VPS13C: variants seen among roughly 807,000 people sequenced by gnomAD.
The protein encoded by VPS13C is intermembrane lipid transfer protein VPS13C.
VPS13C carries 358 observed loss-of-function variants against 456.8 expected under a neutral mutation model. The ratio of observed to expected loss-of-function variants is 0.78; its 90% CI spans 0.72 to 0.86. The LOEUF (loss-of-function observed/expected upper bound fraction) is 0.86. Ranked by LOEUF, VPS13C falls within the 40% of genes least tolerant of loss-of-function variation. The probability of loss-of-function intolerance (pLI) is 0.00; values close to 1 mark genes in which losing one functional copy is unlikely to be tolerated. For synonymous variants in VPS13C, 1,578 were observed against 1,486.7 expected (o/e 1.06, Z -1.41); for missense variants, 4,818 against 4,385.4 (o/e 1.10, Z -2.79).
Position 61,929,701 on chromosome 15 carries a change from T to C in VPS13C, c.6086A>G (p.Asp2029Gly). 1 of 1,613,790 alleles carries C rather than the reference T, an allele frequency of 6.2e-7. No individual in the cohort carries two copies. The highest frequency in any genetic ancestry group is 8.5e-7 in the Non-Finnish European group (1 of 1,179,780). Reference sequence around the variant, plus strand: ...ATTTTTGTCTTGTTTGTAACTTATATCAATCATAGAACTGTTGTTATCTTG... The same window carrying C: ...ATTTTTGTCTTGTTTGTAACTTATACCAATCATAGAACTGTTGTTATCTTG... ...NDQDNNSSMIDISYKQDKNGS... is the reference protein window; with the variant it reads ...NDQDNNSSMIGISYKQDKNGS... Residue 2029 changes from aspartate (D) to glycine (G), a missense_variant, in exon 51 of 85, where the codon GAT becomes GGT. By Grantham distance (94) the Asp-to-Gly change is moderately conservative. Transcript: ENST00000644861.
chr15:61,935,183 A>G (rs1191724873), intron 48 of VPS13C, among the ~76,000 whole-genome samples: 1 of 152,198 alleles, frequency 6.6e-6, no homozygotes, highest in Non-Finnish European at 1.5e-5. Flanking sequence ...GAATTTTGAG[A>G]CAAATGAGAC....
Position 62,023,821 on chromosome 15 carries a change from T to C in VPS13C, c.473A>G (p.Lys158Arg). The change falls in exon 7 of 85, where the codon AAA becomes AGA. Residue 158 changes from lysine (K) to arginine (R), a missense_variant. Lys to Arg is a conservative substitution (Grantham distance 26). This residue lies in a region of VPS13C where 4,552 missense variants were observed against 4,130.6 expected (regional missense o/e 1.10). Coordinates refer to ENST00000644861, the MANE Select transcript of VPS13C (RefSeq NM_020821.3). ...KPGRKRKKHK[K>R]HFKKPFKGLD... The stretch of plus-strand genomic sequence containing the variant: ...ACCTTTAAAAGGTTTCTTAAAATGT[T>C]TTTTGTGCTTTTTACGTTTACGTCC... The C allele has an allele frequency of 1.2e-6, 2 of 1,611,130 alleles. No individual in the cohort carries two copies. The highest frequency in any genetic ancestry group is 1.7e-6 in the Non-Finnish European group (2 of 1,178,406).
intron 15 of VPS13C, among the ~76,000 whole-genome samples, chr15:62,004,614 G>C (rs2140477796): frequency 6.6e-6 from 1 of 151,598 alleles, no homozygotes; most frequent in South Asian, 2.1e-4. Context: ...TGTGATGTTA[G>C]GGTGTCAGTT....
chr15:61,971,419 G>T (rs987162909), intron 27 of VPS13C, among the ~76,000 whole-genome samples: 1 of 152,004 alleles, frequency 6.6e-6, no homozygotes, highest in Non-Finnish European at 1.5e-5. Context: ...CCACCACCAC[G>T]CCTAGCTAAT....
rs760852317 is a variant in VPS13C at position 61,947,217 on chromosome 15, T to G, written c.4852A>C (p.Asn1618His). 6 of 1,600,560 alleles carry G rather than the reference T, an allele frequency of 3.7e-6. No individual in the cohort carries two copies. The African/African-American group carries it at 8.1e-5, about 22-fold the overall frequency. The change falls in exon 43 of 85, where the codon AAC (asparagine) becomes CAC (histidine). Residue 1618 changes from asparagine to histidine, a missense_variant. Asn to His is a moderately conservative substitution (Grantham distance 68). Around this residue, in one of 3 missense-constraint regions of VPS13C, gnomAD observed 4,552 missense variants for 4,130.6 expected, o/e 1.10. Transcript: ENST00000644861. ...CCATGTATTTTAATATCTGCAATGT[T>G]ACACTTCTGATCACAGACAAAGACA... ...FNVFVCDQKC[N>H]IADIKIHGMD... is the part of the protein sequence containing the mutation.
At chr15:61,900,907 C>T (rs1478154547) in intron 66 of VPS13C, among the ~76,000 whole-genome samples, 4 of 151,562 alleles carry the variant, frequency 2.6e-5, no homozygotes, top group East Asian at 1.9e-4. Flanking sequence ...GGTACCAAAA[C>T]AGAGATAAAG....
intron 16 of VPS13C, among the ~76,000 whole-genome samples, chr15:61,997,792 T>C (rs189016130): frequency 6.6e-6 from 1 of 152,208 alleles, no homozygotes; most frequent in East Asian, 1.9e-4. Context: ...CTATCACCAC[T>C]CATCTCAACT....
In VPS13C at chr15:61,854,556, T is replaced by G; in HGVS notation, c.11163A>C (p.Arg3721Ser). 6.2e-7 allele frequency: 1 copy of G among 1,613,862 alleles called. No individual in the cohort carries two copies. The highest frequency in any genetic ancestry group is 8.5e-7 in the Non-Finnish European group (1 of 1,179,786). The stretch of plus-strand genomic sequence containing the variant: ...GTGCATCCTCAATGGCATTACATGC[T>G]CTCTGTAAAGTAAAATACTTATTAT... ...VYLKDTATAE[R>S]ACNAIEDAQS... Residue 3721 changes from arginine (R) to serine (S), a missense_variant and splice_region_variant, in exon 85 of 85, where the codon AGA (arginine) becomes AGC (serine). Physicochemically the swap from Arg to Ser is moderately radical, Grantham distance 110 (BLOSUM62 -1). Coordinates refer to ENST00000644861, the MANE Select transcript of VPS13C (RefSeq NM_020821.3).
At chr15:61,889,706 G>T (rs1351116669) in intron 67 of VPS13C, among the ~76,000 whole-genome samples, 1 of 152,108 alleles carries the variant, frequency 6.6e-6, no homozygotes, top group East Asian at 1.9e-4. Flanking sequence ...CCTCCTCTCT[G>T]AACCTTTTTT....
intron 59 of VPS13C, 34 bp downstream of exon 59, chr15:61,918,102 C>T (rs771893348): frequency 6.5e-7 from 1 of 1,542,088 alleles, no homozygotes; most frequent in South Asian, 1.3e-5. Flanking sequence ...CAACTCAATA[C>T]ATTTAAAGTT....
intron 29 of VPS13C, among the ~76,000 whole-genome samples, chr15:61,967,139 T>A (rs1357936298): frequency 6.6e-6 from 1 of 151,894 alleles, no homozygotes; most frequent in South Asian, 2.1e-4. Flanking sequence ...ACCTACTTCA[T>A]CCCAGGCTTC....
At chr15:61,938,408 G>A (rs946061467) in intron 47 of VPS13C, among the ~76,000 whole-genome samples, 14 of 152,054 alleles carry the variant, frequency 9.2e-5, no homozygotes, top group African/African-American at 3.4e-4. Context: ...CCAGACCAGG[G>A]AAACAACTTG....
chr15:62,012,553 T>C (rs989179852), intron 11 of VPS13C, among the ~76,000 whole-genome samples: 4 of 151,938 alleles, frequency 2.6e-5, no homozygotes, highest in African/African-American at 7.2e-5. Flanking sequence ...AAAAATTGAA[T>C]TGTTCTTTCT....
chr15:61,945,622 CTTATCAGT>C (rs1231790033), intron 45 of VPS13C, 85 bp downstream of exon 45: 70 of 1,002,586 alleles, frequency 7.0e-5, no homozygotes, highest in Non-Finnish European at 9.7e-5. Flanking sequence ...ATCACACAGC[CTTATCAGT>C]GAAGATTTTT....
intron 50 of VPS13C, among the ~76,000 whole-genome samples, chr15:61,930,432 G>A (rs1443660864): frequency 1.3e-5 from 2 of 152,044 alleles, no homozygotes; most frequent in African/African-American, 4.8e-5. Flanking sequence ...GAAAAACAAA[G>A]GGCTCACAAG....
At chr15:62,010,959 C>G (rs1178044193) in intron 12 of VPS13C, among the ~76,000 whole-genome samples, 1 of 151,726 alleles carries the variant, frequency 6.6e-6, no homozygotes, top group Non-Finnish European at 1.5e-5. Flanking sequence ...AATACTAATA[C>G]AAAAAAGGAA....
chr15:61,865,213 A>AT lies in VPS13C; in HGVS notation c.10864-1686dup, dbSNP rs930260313. On this transcript the variant is annotated intron_variant, in intron 81 of 84. Transcript: ENST00000644861. ...CAAAAGCCCTTTACCCAGTAATTCAATTTTTTCAAGTAAATTCTAAGGAAA... is the reference window on the plus strand; with the variant it reads ...CAAAAGCCCTTTACCCAGTAATTCAATTTTTTTCAAGTAAATTCTAAGGAAA... 3 of 984,528 alleles carry AT rather than the reference A, an allele frequency of 3.0e-6. No homozygotes were observed. In the African/African-American group the frequency reaches 5.3e-5, roughly 17 times the overall value. 61.0% of individuals were successfully genotyped at this position (984,528 alleles called of 1,614,324 possible).
intron 15 of VPS13C, among the ~76,000 whole-genome samples, chr15:62,002,712 G>T (rs1040408498): frequency 6.6e-6 from 1 of 152,044 alleles, no homozygotes; most frequent in African/African-American, 2.4e-5. Context: ...TGTAAGGAAG[G>T]GATCCAGTTT....
intron 1 of VPS13C, among the ~76,000 whole-genome samples, chr15:62,057,529 C>T (rs2048842105): frequency 6.6e-6 from 1 of 152,092 alleles, no homozygotes; most frequent in Non-Finnish European, 1.5e-5. Flanking sequence ...ATAGCAACCA[C>T]AAAAATAAAA....
Sources: allele counts gnomAD v4.1 joint callset (sites outside exome capture counted in the v4.1 genomes callset), GRCh38; gene constraint gnomAD v4.1.1; regional missense constraint gnomAD v4.1.1; transcripts MANE v1.5; gene names NCBI Gene and HGNC (gene_info 2026-07-23, HGNC 2026-07-21).